The following LDLRAD3 variants were observed in gnomAD, a reference collection of about 807,000 sequenced individuals.
LDLRAD3 encodes the protein low density lipoprotein receptor class A domain containing 3.
Under a neutral mutation model 29.4 loss-of-function variants are expected in LDLRAD3, and 20 were observed. The ratio of observed to expected loss-of-function variants is 0.68; its 90% confidence interval spans 0.48 to 0.99. The LOEUF (loss-of-function observed/expected upper bound fraction) is 0.99, where lower values mean the gene tolerates loss of function less well. Among genes scored for constraint, LDLRAD3 ranks in the 50% least tolerant of loss-of-function variants. LDLRAD3 has a pLI of 0.00. For missense variants in LDLRAD3, 420 were observed against 454.3 expected (o/e 0.92, Z 0.69); for synonymous variants, 157 against 192.7 (o/e 0.81, Z 1.53).
chr11:36,168,731 CA>C (rs1277287553), intron 4 of LDLRAD3, among the ~76,000 whole-genome samples: 1 of 152,006 alleles, frequency 6.6e-6, no homozygotes, highest in Non-Finnish European at 1.5e-5. Context: ...CAACATTAGC[CA>C]GGGAGTATCG....
At chr11:36,063,855 A>G (rs571065289) in intron 2 of LDLRAD3, among the ~76,000 whole-genome samples, 1 of 152,094 alleles carries the variant, frequency 6.6e-6, no homozygotes, top group Non-Finnish European at 1.5e-5. Context: ...TTAGTCCTCT[A>G]ATTTTGTTCT....
At chr11:36,088,164 C>G (rs766941265) in intron 3 of LDLRAD3, among the ~76,000 whole-genome samples, 3 of 152,074 alleles carry the variant, frequency 2.0e-5, no homozygotes, top group Non-Finnish European at 4.4e-5. Flanking sequence ...CCCCCAAAAC[C>G]AGTATTTTCT....
intron 4 of LDLRAD3, among the ~76,000 whole-genome samples, chr11:36,144,094 G>T (rs943381441): frequency 1.8e-4 from 27 of 152,060 alleles, no homozygotes; most frequent in African/African-American, 6.3e-4. Flanking sequence ...ACGCCTGACT[G>T]GTTTTCGTAT....
chr11:36,097,166 T>C (rs905124504), intron 3 of LDLRAD3, among the ~76,000 whole-genome samples: 4 of 152,204 alleles, frequency 2.6e-5, no homozygotes, highest in Admixed American at 2.0e-4. Flanking sequence ...AGGAGCCTCA[T>C]GGAGGAGCTG....
At chr11:36,033,193 A>G (rs2133207573) in intron 1 of LDLRAD3, among the ~76,000 whole-genome samples, 1 of 152,140 alleles carries the variant, frequency 6.6e-6, no homozygotes. Flanking sequence ...TTTGAGTTTG[A>G]TGATGTCACT....
intron 4 of LDLRAD3, among the ~76,000 whole-genome samples, chr11:36,140,306 C>T (rs1422296163): frequency 2.0e-5 from 3 of 152,150 alleles, no homozygotes; most frequent in Admixed American, 6.5e-5. Context: ...AATACCTTGG[C>T]CTGTGTAGAA....
At chr11:36,064,998 T>C (rs1392115582) in intron 2 of LDLRAD3, among the ~76,000 whole-genome samples, 2 of 152,236 alleles carry the variant, frequency 1.3e-5, no homozygotes, top group East Asian at 3.8e-4. Flanking sequence ...TCTGTGGTTG[T>C]TGGGTAGCAT....
chr11:36,118,591 C>A (rs1281823307), intron 4 of LDLRAD3, among the ~76,000 whole-genome samples: 2 of 151,848 alleles, frequency 1.3e-5, no homozygotes, highest in Admixed American at 6.6e-5. Flanking sequence ...CTAAACTGAA[C>A]TGGATTCAAT....
chr11:36,098,378 T>A lies in LDLRAD3; in HGVS notation c.371T>A (p.Leu124His). 5.6e-6 allele frequency: 9 copies of A among 1,614,218 alleles called. No homozygotes were observed. The highest frequency in any genetic ancestry group is 7.6e-6 in the Non-Finnish European group (9 of 1,180,028). ...STARYHCKNG[L>H]CIDKSFICDG... ...GCCCGCTACCACTGCAAGAACGGCC[T>A]CTGTATTGACAAGAGCTTCATCTGC... Residue 124 changes from leucine to histidine, a missense_variant, in exon 4 of 6, where the codon CTC becomes CAC. Around this residue, in one of 3 missense-constraint regions of LDLRAD3, gnomAD observed 224 missense variants for 222.2 expected, o/e 1.01. Transcript: ENST00000315571.
At chr11:36,165,941 GCTTCCTCCCTCCCTCC>G (rs1854506653) in intron 4 of LDLRAD3, among the ~76,000 whole-genome samples, 1 of 133,436 alleles carries the variant, frequency 7.5e-6, no homozygotes, top group Non-Finnish European at 1.6e-5. Context: ...TGACTGGCTT[GCTTCCTCCCTCCCTCC>G]CTCCCTCCCT....
chr11:36,116,533 A>G lies in LDLRAD3; in HGVS notation c.454+18072A>G, dbSNP rs75390526. The stretch of plus-strand genomic sequence containing the variant: ...AGAGAAACTGTATTACAAATAACAG[A>G]GCTGAATCTCGTATTAGCCTTTGTT... On this transcript the variant is annotated intron_variant, in intron 4 of 5. Transcript: ENST00000315571. 9.8e-3 allele frequency among the ~76,000 whole-genome samples: 1,494 copies of G among 152,262 alleles called. 29 individuals carry two copies. The highest frequency in any genetic ancestry group is 0.034 in the African/African-American group (1,430 of 41,546).
intron 2 of LDLRAD3, among the ~76,000 whole-genome samples, chr11:36,054,687 A>G (rs955620598): frequency 4.0e-5 from 6 of 149,174 alleles, no homozygotes; most frequent in Non-Finnish European, 8.9e-5. Context: ...GGGTGGATGC[A>G]TAGATGAATG....
At chr11:36,209,496 A>T (rs1197034284) in intron 4 of LDLRAD3, among the ~76,000 whole-genome samples, 1 of 150,858 alleles carries the variant, frequency 6.6e-6, no homozygotes. Context: ...AGTAGCTGGG[A>T]TTACAGGCGC....
intron 4 of LDLRAD3, among the ~76,000 whole-genome samples, chr11:36,154,624 C>A (rs1854322136): frequency 6.6e-6 from 1 of 152,208 alleles, no homozygotes; most frequent in African/African-American, 2.4e-5. Context: ...TCCCCCATTC[C>A]ATACTGCCTG....
chr11:36,214,936 G>C (rs1282842367), intron 4 of LDLRAD3, among the ~76,000 whole-genome samples: 1 of 152,182 alleles, frequency 6.6e-6, no homozygotes, highest in African/African-American at 2.4e-5. Context: ...ATTCAGTTCT[G>C]CCCTCAGGGA....
chr11:36,112,761 G>C (rs1853622746), intron 4 of LDLRAD3, among the ~76,000 whole-genome samples: 1 of 152,196 alleles, frequency 6.6e-6, no homozygotes, highest in African/African-American at 2.4e-5. Context: ...GAGAGTGCTG[G>C]TCCACCTAGA....
At chr11:35,958,474 G>A (rs1851234116) in intron 1 of LDLRAD3, among the ~76,000 whole-genome samples, 1 of 152,096 alleles carries the variant, frequency 6.6e-6, no homozygotes, top group African/African-American at 2.4e-5. Context: ...GTCCAATCTG[G>A]CCGTAGTAGT....
At chr11:36,220,214 G>A (rs1855409822) in intron 4 of LDLRAD3, among the ~76,000 whole-genome samples, 1 of 152,192 alleles carries the variant, frequency 6.6e-6, no homozygotes, top group South Asian at 2.1e-4. Flanking sequence ...GACACAGGAT[G>A]ACTGACAGTT....
intron 4 of LDLRAD3, among the ~76,000 whole-genome samples, chr11:36,143,520 G>A (rs971789278): frequency 1.3e-5 from 2 of 152,220 alleles, no homozygotes; most frequent in African/African-American, 2.4e-5. Flanking sequence ...TGGAAATTAT[G>A]TATTTTCCCA....
Sources: allele counts gnomAD v4.1 joint callset (sites outside exome capture counted in the v4.1 genomes callset), GRCh38; gene constraint gnomAD v4.1.1; regional missense constraint gnomAD v4.1.1; transcripts MANE v1.5; gene names NCBI Gene and HGNC (gene_info 2026-07-23, HGNC 2026-07-21).